Variants in LIG1 observed in about 807,000 individuals in gnomAD.
LIG1 encodes ligase I, DNA, ATP-dependent.
A neutral mutation model predicts 115.7 loss-of-function variants in LIG1; 70 were observed. The ratio of observed to expected loss-of-function variants is 0.60; its 90% CI spans 0.50 to 0.74. LIG1 has a LOEUF of 0.74. Among genes scored for constraint, LIG1 ranks in the 30% least tolerant of loss-of-function variants. The pLI is 0.00. For synonymous variants in LIG1, 487 were observed against 495.3 expected, an observed-to-expected ratio of 0.98 and a Z score of 0.22; for missense variants, 1,115 against 1,225.6, an observed-to-expected ratio of 0.91 and a Z score of 1.35.
At chr19:48,164,959 C>A (rs2036398217) in intron 2 of LIG1, among the ~76,000 whole-genome samples, 1 of 152,114 alleles carries the variant, frequency 6.6e-6, no homozygotes, top group Non-Finnish European at 1.5e-5. Context: ...TTGTAACAAC[C>A]AAAAATATCT....
In LIG1 at chr19:48,137,428, A is replaced by G; in HGVS notation, c.1254+94T>C. On this transcript the variant is annotated intron_variant, in intron 13 of 27. Coordinates refer to ENST00000263274, the MANE Select transcript of LIG1 (RefSeq NM_000234.3). This position sits in a 1 kb window ranked among gnomAD's most constrained non-coding sequence, Gnocchi z 4.3. ...CCCATGAGAAGGACTGATGCGACCC[A>G]GCTGATGGTCTACCCAGAAGCCTTC... 1 of 1,499,230 alleles carries G rather than the reference A, an allele frequency of 6.7e-7. No homozygotes were observed. Among genetic ancestry groups the G allele is most frequent in the South Asian group, 1.2e-5 (1 of 85,550 alleles). The allele number at this position is 1,499,230 out of a possible 1,614,324, so 92.9% of individuals were successfully genotyped here.
intron 1 of LIG1, among the ~76,000 whole-genome samples, chr19:48,166,621 T>C (rs2036496581): frequency 6.6e-6 from 1 of 152,208 alleles, no homozygotes; most frequent in African/African-American, 2.4e-5. Context: ...AAGTCTGTTA[T>C]TTAATGAAAT....
At chr19:48,156,088 C>T (rs1182045663) in intron 5 of LIG1, among the ~76,000 whole-genome samples, 3 of 152,188 alleles carry the variant, frequency 2.0e-5, no homozygotes, top group Admixed American at 1.3e-4. Context: ...AGGACAAAGA[C>T]GCTGTTCCCC....
At chr19:48,120,891 T>C in intron 24 of LIG1, 1 of 1,229,436 alleles carries the variant, frequency 8.1e-7, no homozygotes, top group Non-Finnish European at 1.0e-6. Context: ...TCTCATTTCA[T>C]AACAAAAAAA....
At chr19:48,152,613 G>A (rs2035548383) in intron 6 of LIG1, among the ~76,000 whole-genome samples, 1 of 152,166 alleles carries the variant, frequency 6.6e-6, no homozygotes, top group Non-Finnish European at 1.5e-5. Flanking sequence ...AACTCACTGG[G>A]CGCTGCAAGA....
intron 9 of LIG1, among the ~76,000 whole-genome samples, chr19:48,149,019 G>T (rs1326394459): frequency 6.6e-6 from 1 of 152,136 alleles, no homozygotes; most frequent in Non-Finnish European, 1.5e-5. Flanking sequence ...ACTAAATCTG[G>T]TGAGTTCAGG....
At chr19:48,151,738 T>A (rs191963405) in intron 6 of LIG1, among the ~76,000 whole-genome samples, 1 of 152,240 alleles carries the variant, frequency 6.6e-6, no homozygotes, top group Admixed American at 6.5e-5. Flanking sequence ...AATGTGCCTG[T>A]AAAGCAGTGG....
intron 21 of LIG1, among the ~76,000 whole-genome samples, chr19:48,125,464 G>GCT (rs1292296510): frequency 2.0e-5 from 3 of 152,046 alleles, no homozygotes; most frequent in Non-Finnish European, 4.4e-5. Context: ...ACCACTACCA[G>GCT]CTCCACCTGT....
intron 18 of LIG1, among the ~76,000 whole-genome samples, chr19:48,132,673 C>T (rs1053820375): frequency 1.3e-5 from 2 of 151,570 alleles, no homozygotes; most frequent in African/African-American, 4.9e-5. Context: ...CGCCTGTAGT[C>T]CCAGCTACTT....
At chr19:48,160,204 C>T (rs870231) in intron 4 of LIG1, among the ~76,000 whole-genome samples, 6,373 of 152,208 alleles carry the variant, frequency 0.042, 311 homozygotes, top group African/African-American at 0.11. Context: ...TAAGCCACTG[C>T]GTTTGTGGTC....
intron 4 of LIG1, among the ~76,000 whole-genome samples, chr19:48,160,482 G>T (rs2036110663): frequency 1.3e-5 from 2 of 152,124 alleles, no homozygotes; most frequent in South Asian, 4.1e-4. Context: ...GCAGCAGGAG[G>T]GGCCTGGGAG....
At chr19:48,116,004 A>G (rs1312814521) in intron 26 of LIG1, 39 bp from the exon 27 acceptor site, 13 of 1,499,364 alleles carry the variant, frequency 8.7e-6, no homozygotes, top group Non-Finnish European at 1.1e-5. Context: ...GTCCAGCCCC[A>G]GCGACCCCCT....
chr19:48,162,158 T>C, intron 3 of LIG1, 104 bp downstream of exon 3: 1 of 1,148,728 alleles, frequency 8.7e-7, no homozygotes, highest in Non-Finnish European at 1.3e-6. Flanking sequence ...CTGAAAAAGT[T>C]TTTTGGGCCC....
rs753568865 is a variant in LIG1, at chr19:48,127,300, C to T, written c.1981G>A (p.Asp661Asn). ...ACCTCTCCATTGAGGTAGATGAGGT[C>T]GAAGGCGTACAAACACACCTGCACC... The part of the protein sequence containing the change: ...IQVQVCLYAF[D>N]LIYLNGESLV... The change falls in exon 21 of 28, where the codon GAC becomes AAC. Residue 661 changes from aspartate (D) to asparagine (N), a missense_variant. Transcript: ENST00000263274. 1.9e-6 allele frequency: 3 copies of T among 1,613,900 alleles called. No individual in the cohort carries two copies. Among genetic ancestry groups the T allele is most frequent in the Non-Finnish European group, 2.5e-6 (3 of 1,180,012 alleles).
At chr19:48,158,638 T>C (rs561403374) in intron 4 of LIG1, among the ~76,000 whole-genome samples, 31 of 152,332 alleles carry the variant, frequency 2.0e-4, no homozygotes, top group Middle Eastern at 3.4e-3. Flanking sequence ...GCAGTGCCAA[T>C]GGAGGGAAGC....
At chr19:48,123,663 G>T in intron 21 of LIG1, 1 of 352,020 alleles carries the variant, frequency 2.8e-6, no homozygotes, top group South Asian at 2.4e-5. Context: ...TGTCGCCCAG[G>T]CTGGAGTGCG....
At chr19:48,136,954 T>C (rs1216500345) in intron 14 of LIG1, 54 bp downstream of exon 14, 9 of 1,423,786 alleles carry the variant, frequency 6.3e-6, no homozygotes, top group Admixed American at 3.8e-5. Flanking sequence ...CCTCCCTCCT[T>C]TCACCTCCGA....
In LIG1 at chr19:48,157,121, G is replaced by A. The variant is rs772981383; in HGVS notation, c.263C>T (p.Ser88Leu). Residue 88 changes from serine to leucine, a missense_variant, in exon 5 of 28, where the codon TCA becomes TTA. Coordinates refer to ENST00000263274, the MANE Select transcript of LIG1 (RefSeq NM_000234.3). ...GGCAGGACGGGGCGGGGAGACCTGT[G>A]AGCAGTCCAGGGCAGGCTTCTGGAA... Reference protein sequence around the residue: ...AKGQKPALDCSQVSPPRPATS... With the variant: ...AKGQKPALDCLQVSPPRPATS... 2 of 1,613,062 alleles carry A rather than the reference G, an allele frequency of 1.2e-6. No homozygotes were observed. The highest frequency in any genetic ancestry group is 2.2e-5 in the South Asian group (2 of 91,046).
At chr19:48,156,016 C>T (rs531934174) in intron 5 of LIG1, among the ~76,000 whole-genome samples, 69 of 152,302 alleles carry the variant, frequency 4.5e-4, no homozygotes, top group Admixed American at 3.5e-3. Context: ...CACACTGCCC[C>T]GCATTACGAA....
Sources: allele counts gnomAD v4.1 joint callset (sites outside exome capture counted in the v4.1 genomes callset), GRCh38; gene constraint gnomAD v4.1.1; non-coding constraint Gnocchi (gnomAD v3.1); transcripts MANE v1.5; gene names NCBI Gene and HGNC (gene_info 2026-07-23, HGNC 2026-07-21).